ZNF257: variants seen among roughly 807,000 people sequenced by gnomAD.
ZNF257 encodes the protein zinc finger protein 257.
In ZNF257, 12 loss-of-function variants were observed where a neutral mutation model predicts 11.9. That is an observed-to-expected ratio of 1.01 (90% confidence interval 0.65 to 1.63). The LOEUF is 1.63. ZNF257 is among the 40% of genes most tolerant of loss of function. ZNF257 has a pLI of 0.00. For missense variants in ZNF257, 580 were observed against 665.5 expected (o/e 0.87, Z 1.41); for synonymous variants, 183 against 222.7 (o/e 0.82, Z 1.59).
chr19:22,063,843 T>C (rs1362578788), intron 1 of ZNF257, among the ~76,000 whole-genome samples: 2 of 152,198 alleles, frequency 1.3e-5, no homozygotes, highest in Non-Finnish European at 2.9e-5. Context: ...TGTTTTTACA[T>C]AGAGTTCTGT....
rs753556602 is a variant in ZNF257, at chr19:22,079,817, C to T, written c.226+6253C>T. On this transcript the variant is annotated intron_variant, in intron 3 of 3. Transcript: ENST00000594947. ...TGTTCACAACTGTAGGTTGTATTGACACCTTTGAAAAATTAAATTTTTGGC... is the reference window on the plus strand; with the variant it reads ...TGTTCACAACTGTAGGTTGTATTGATACCTTTGAAAAATTAAATTTTTGGC... 1.1e-4 allele frequency among the ~76,000 whole-genome samples: 16 copies of T among 152,044 alleles called. 1 individual carries two copies. The highest frequency in any genetic ancestry group is 5.9e-4 in the Admixed American group (9 of 15,262).
intron 1 of ZNF257, among the ~76,000 whole-genome samples, chr19:22,066,912 A>C (rs1180988675): frequency 1.3e-5 from 2 of 152,194 alleles, no homozygotes; most frequent in African/African-American, 2.4e-5. Context: ...ATTGTGTAAT[A>C]AAACAGTTTT....
chr19:22,077,333 C>T (rs1042694722), intron 3 of ZNF257, among the ~76,000 whole-genome samples: 5 of 152,002 alleles, frequency 3.3e-5, no homozygotes, highest in Non-Finnish European at 5.9e-5. Context: ...AAATGGTATA[C>T]ATTTCAGGCA....
intron 1 of ZNF257, among the ~76,000 whole-genome samples, chr19:22,053,219 A>C (rs1275039451): frequency 6.6e-6 from 1 of 151,914 alleles, no homozygotes; most frequent in East Asian, 1.9e-4. Context: ...AAATACAAAA[A>C]TTAGCGGGCG....
At position 22,054,287 on chromosome 19, in the gene ZNF257, C is replaced by T. The variant is rs145383649; in HGVS notation, c.3+1652C>T. 9.3e-3 allele frequency among the ~76,000 whole-genome samples: 1,419 copies of T among 151,994 alleles called. 15 individuals are homozygous for T. The highest frequency in any genetic ancestry group is 0.032 in the African/African-American group (1,334 of 41,460). ...GAGGTTTCATGTGGGCTAGGCTGGT[C>T]TCGAACTCCTAACCTCAGGTGATCC... On this transcript the variant is annotated intron_variant, in intron 1 of 3. Transcript: ENST00000594947.
At position 22,088,906 on chromosome 19, in the gene ZNF257, C is replaced by G; in HGVS notation, c.1156C>G (p.His386Asp). 1 of 1,610,198 alleles carries G rather than the reference C, an allele frequency of 6.2e-7. No individual in the cohort carries two copies. Among genetic ancestry groups the G allele is most frequent in the Non-Finnish European group, 8.5e-7 (1 of 1,178,294 alleles). The change falls in exon 4 of 4, where the codon CAC becomes GAC. Residue 386 changes from histidine to aspartate, a missense_variant. Coordinates refer to ENST00000594947, the MANE Select transcript of ZNF257 (RefSeq NM_033468.4). ...TGGAAAAGCCTTTAACCGGTCTTCACACCTTACTAAACATAAGAGAATTCA... is the reference window on the plus strand; with the variant it reads ...TGGAAAAGCCTTTAACCGGTCTTCAGACCTTACTAAACATAAGAGAATTCA... ...ECGKAFNRSS[H>D]LTKHKRIHTR...
chr19:22,066,192 C>G (rs1462473381), intron 1 of ZNF257: 1 of 153,262 alleles, frequency 6.5e-6, no homozygotes, highest in East Asian at 1.9e-4. Context: ...CCCGTGGTGT[C>G]TTTGAATGAG....
At chr19:22,087,422 C>A in intron 3 of ZNF257, 1 of 438,658 alleles carries the variant, frequency 2.3e-6, no homozygotes, top group Non-Finnish European at 3.8e-6. Flanking sequence ...CAATCACTTG[C>A]TACACTTGTT....
intron 1 of ZNF257, among the ~76,000 whole-genome samples, chr19:22,071,494 A>G (rs192582103): frequency 6.6e-6 from 1 of 152,072 alleles, no homozygotes; most frequent in Non-Finnish European, 1.5e-5. Flanking sequence ...TTTTTTTTCA[A>G]CTAAACATGT....
intron 3 of ZNF257, among the ~76,000 whole-genome samples, chr19:22,083,609 A>G (rs1476142636): frequency 6.6e-6 from 1 of 152,218 alleles, no homozygotes; most frequent in South Asian, 2.1e-4. Flanking sequence ...GTTATGCAAC[A>G]TAATTGCTGA....
At chr19:22,078,740 T>C (rs1479103016) in intron 3 of ZNF257, among the ~76,000 whole-genome samples, 1 of 151,932 alleles carries the variant, frequency 6.6e-6, no homozygotes. Flanking sequence ...TCATATATGG[T>C]TCAAGGAAAT....
At chr19:22,056,152 G>T (rs2021632779) in intron 1 of ZNF257, among the ~76,000 whole-genome samples, 1 of 151,862 alleles carries the variant, frequency 6.6e-6, no homozygotes, top group African/African-American at 2.4e-5. Flanking sequence ...TTAAAGGTAA[G>T]AAAATATTTA....
intron 1 of ZNF257, among the ~76,000 whole-genome samples, chr19:22,058,578 C>G (rs1599659019): frequency 6.6e-6 from 1 of 152,076 alleles, no homozygotes; most frequent in Non-Finnish European, 1.5e-5. Context: ...GTTGGAGAAT[C>G]TTGGTATTCA....
Position 22,072,911 on chromosome 19 carries a change from A to C in ZNF257, c.106A>C (p.Asn36His). The change falls in exon 2 of 4, where the codon AAC becomes CAC. Residue 36 changes from asparagine to histidine, a missense_variant. By Grantham distance (68) the Asn-to-His change is moderately conservative. Transcript: ENST00000594947. ...TTTATATAGGGATGTGATGTTAGAG[A>C]ACTACAGAAACCTGGTCTTCCTGGG... ...QNLYRDVMLE[N>H]YRNLVFLGIA... The C allele has an allele frequency of 6.2e-7, 1 of 1,613,058 alleles. No individual in the cohort carries two copies. The highest frequency in any genetic ancestry group is 8.5e-7 in the Non-Finnish European group (1 of 1,179,532).
chr19:22,054,075 C>CTTT (rs747135550), intron 1 of ZNF257, among the ~76,000 whole-genome samples: 1 of 88,220 alleles, frequency 1.1e-5, no homozygotes. Context: ...ATTTGTTTTT[C>CTTT]TTTTTTTTTT....
intron 1 of ZNF257, among the ~76,000 whole-genome samples, chr19:22,069,576 T>C (rs1289945595): frequency 6.6e-6 from 1 of 152,108 alleles, no homozygotes; most frequent in Non-Finnish European, 1.5e-5. Context: ...GATTGAGTGA[T>C]TGAGTGATTG....
rs1214588085 is a variant in ZNF257 at position 22,072,900 on chromosome 19, T to G, written c.95T>G (p.Val32Gly). 1 of 1,613,328 alleles carries G rather than the reference T, an allele frequency of 6.2e-7. No individual in the cohort carries two copies. Among genetic ancestry groups the G allele is most frequent in the South Asian group, 1.1e-5 (1 of 91,034 alleles). The change falls in exon 2 of 4, where the codon GTG becomes GGG. Residue 32 changes from valine to glycine, a missense_variant. By Grantham distance (109) the Val-to-Gly change is moderately radical. Coordinates refer to ENST00000594947, the MANE Select transcript of ZNF257 (RefSeq NM_033468.4). ...GCACAGCAGAATTTATATAGGGATG[T>G]GATGTTAGAGAACTACAGAAACCTG... ...DTAQQNLYRD[V>G]MLENYRNLVF...
At position 22,088,212 on chromosome 19, in the gene ZNF257, C is replaced by A. The variant is rs774431230; in HGVS notation, c.462C>A (p.Phe154Leu). 1.9e-6 allele frequency: 3 copies of A among 1,608,168 alleles called. No homozygotes were observed. ...AATGTGATAAATATGTAAAAGTCTT[C>A]TATAAGTTTTCAAATTCAGATAGAC... ...MYQCDKYVKV[F>L]YKFSNSDRHK... The change falls in exon 4 of 4, where the codon TTC becomes TTA. Residue 154 changes from phenylalanine (F) to leucine (L), a missense_variant. Phe to Leu is a conservative substitution (Grantham distance 22). Transcript: ENST00000594947.
intron 1 of ZNF257, 33 bp downstream of exon 1, chr19:22,052,668 G>A: frequency 6.2e-7 from 1 of 1,605,480 alleles, no homozygotes; most frequent in Non-Finnish European, 8.5e-7. Context: ...CCTGGGAGAG[G>A]GGAAGGGGGT....
Sources: gnomAD v4.1 joint callset for allele counts (sites outside exome capture counted in the v4.1 genomes callset) on GRCh38, gnomAD v4.1.1 for gene constraint, MANE v1.5 for transcripts, NCBI Gene and HGNC (gene_info 2026-07-23, HGNC 2026-07-21) for gene names.